Variants in RNF17 observed in about 807,000 individuals in gnomAD.
The protein encoded by RNF17 is spermatogenesis associated 23.
Under a neutral mutation model 200.5 loss-of-function variants are expected in RNF17, and 31 were observed. That is an observed-to-expected ratio of 0.15 (90% CI 0.12 to 0.21). RNF17 has a LOEUF of 0.21. RNF17 is among the 10% of genes least tolerant of loss of function. RNF17 has a pLI of 1.00. For synonymous variants in RNF17, 606 were observed against 637.8 expected, an observed-to-expected ratio of 0.95 and a Z score of 0.75; for missense variants, 1,628 against 1,905.1, an observed-to-expected ratio of 0.85 and a Z score of 2.71.
At chr13:24,759,048 C>T in the RNF17 span, among the ~76,000 whole-genome samples, 14,336 of 143,358 alleles carry the variant, frequency 0.1, 1,002 homozygotes, top group Non-Finnish European at 0.15. Flanking sequence ...CCACTGCACT[C>T]CAGCCTGGCG....
At chr13:24,852,063 G>A (rs1358535981) in intron 24 of RNF17, among the ~76,000 whole-genome samples, 1 of 151,704 alleles carries the variant, frequency 6.6e-6, no homozygotes, top group East Asian at 1.9e-4. Context: ...TATGTTTGGA[G>A]TTTAAGCACC....
intron 26 of RNF17, among the ~76,000 whole-genome samples, chr13:24,859,387 G>A (rs1892852452): frequency 6.6e-6 from 1 of 152,130 alleles, no homozygotes; most frequent in African/African-American, 2.4e-5. Flanking sequence ...TTGATCATTG[G>A]TTAATGGATA....
In RNF17 at chr13:24,789,764, C is replaced by T. The variant is rs201724014; in HGVS notation, c.927C>T (p.Asp309=). The change falls in exon 9 of 36, where the codon GAC becomes GAT. Residue 309 remains aspartate, a synonymous_variant. Coordinates refer to ENST00000255324, the MANE Select transcript of RNF17 (RefSeq NM_031277.3). ...ATATGGGAAAGATTGAATTTAGGGACTCAACAAAGTAAGTATTTATAAGCA... is the reference window on the plus strand; with the variant it reads ...ATATGGGAAAGATTGAATTTAGGGATTCAACAAAGTAAGTATTTATAAGCA... ...FNNMGKIEFR[D]STKCYPQENE... 1.6e-4 allele frequency: 252 copies of T among 1,566,242 alleles called. No individual in the cohort carries two copies. Among genetic ancestry groups the T allele is most frequent in the South Asian group, 1.0e-3 (92 of 89,858 alleles).
At chr13:24,855,272 T>C (rs1332073388) in intron 25 of RNF17, among the ~76,000 whole-genome samples, 1 of 152,186 alleles carries the variant, frequency 6.6e-6, no homozygotes, top group Non-Finnish European at 1.5e-5. Flanking sequence ...CTATGAACAT[T>C]CTTGTACCTG....
In RNF17 at chr13:24,844,660, A is replaced by G. The variant is rs1891048459; in HGVS notation, c.2840A>G (p.Glu947Gly). ...LTENLLNSLE[E>G]KMIAAYENSK... ...ATTTTTTATCTCTATAGTTTAGAAGAAAAGATGATAGCTGCTTATGAAAAC... is the reference window on the plus strand; with the variant it reads ...ATTTTTTATCTCTATAGTTTAGAAGGAAAGATGATAGCTGCTTATGAAAAC... Residue 947 changes from glutamate to glycine, a missense_variant, in exon 21 of 36, where the codon GAA (glutamate) becomes GGA (glycine). Physicochemically the swap from Glu to Gly is moderately conservative, Grantham distance 98. Coordinates refer to ENST00000255324, the MANE Select transcript of RNF17 (RefSeq NM_031277.3). The G allele has an allele frequency of 3.1e-6, 5 of 1,592,456 alleles. No individual in the cohort carries two copies. Among genetic ancestry groups the G allele is most frequent in the Non-Finnish European group, 8.6e-7 (1 of 1,163,054 alleles).
intron 31 of RNF17, among the ~76,000 whole-genome samples, chr13:24,869,335 ATT>A (rs1367557885): frequency 6.6e-6 from 1 of 152,208 alleles, no homozygotes; most frequent in Non-Finnish European, 1.5e-5. Flanking sequence ...TTGCTTTCTA[ATT>A]TCATCAGAGA....
At chr13:24,829,896 T>C (rs955859146) in intron 16 of RNF17, among the ~76,000 whole-genome samples, 2 of 152,232 alleles carry the variant, frequency 1.3e-5, no homozygotes, top group Admixed American at 6.5e-5. Flanking sequence ...TCACAGATAC[T>C]GTTATATGAA....
intron 23 of RNF17, among the ~76,000 whole-genome samples, chr13:24,850,690 A>G (rs566210398): frequency 1.3e-5 from 2 of 152,250 alleles, no homozygotes; most frequent in South Asian, 4.1e-4. Context: ...TTTTATTACT[A>G]TTTATGTGCT....
chr13:24,847,470 C>T (rs1044029306), intron 22 of RNF17, among the ~76,000 whole-genome samples: 2 of 151,802 alleles, frequency 1.3e-5, no homozygotes, highest in South Asian at 2.1e-4. Flanking sequence ...CTCAGCCTCC[C>T]GAGTAGCTGG....
chr13:24,811,288 A>G (rs1249390834), intron 15 of RNF17, among the ~76,000 whole-genome samples: 6 of 151,796 alleles, frequency 4.0e-5, no homozygotes, highest in East Asian at 1.9e-4. Context: ...CCAATCAGAC[A>G]TAGATTTGGT....
intron 18 of RNF17, among the ~76,000 whole-genome samples, chr13:24,835,521 C>T (rs1175266113): frequency 2.0e-5 from 3 of 152,158 alleles, no homozygotes; most frequent in Admixed American, 2.0e-4. Context: ...ACCCCCAGTA[C>T]CAGCGCAGAA....
chr13:24,761,680 T>C (rs1878753942), upstream of RNF17, among the ~76,000 whole-genome samples: 1 of 152,198 alleles, frequency 6.6e-6, no homozygotes, highest in African/African-American at 2.4e-5. Flanking sequence ...AGGAAGCCAT[T>C]AAAGGGTTCC....
intron 15 of RNF17, among the ~76,000 whole-genome samples, chr13:24,811,595 C>T (rs548867489): frequency 1.2e-3 from 177 of 152,156 alleles, no homozygotes; most frequent in African/African-American, 4.0e-3. Flanking sequence ...GAATGTCCTC[C>T]CGTAGCTCGG....
chr13:24,883,378 T>C, downstream of RNF17: 1 of 1,577,904 alleles, frequency 6.3e-7, no homozygotes, highest in Non-Finnish European at 8.6e-7. Flanking sequence ...CACTGTAAAA[T>C]TTAAAAAAAA....
chr13:24,788,110 G>C lies in RNF17; in HGVS notation c.734G>C (p.Arg245Thr). Residue 245 changes from arginine (R) to threonine (T), a missense_variant, in exon 7 of 36, where the codon AGA (arginine) becomes ACA (threonine). Physicochemically the swap from Arg to Thr is moderately conservative, Grantham distance 71. Coordinates refer to ENST00000255324, the MANE Select transcript of RNF17 (RefSeq NM_031277.3). ...NNLNAAMNIA[R>T]ALQLSPSLRT... ...TTGAATGCAGCTATGAACATAGCAA[G>C]AGCATTACAATTATCGCCTTCTCTA... is the stretch of plus-strand genomic sequence containing the variant. 6.3e-7 allele frequency: 1 copy of C among 1,596,332 alleles called. No homozygotes were observed.
At chr13:24,771,185 C>T (rs995283589) in intron 2 of RNF17, among the ~76,000 whole-genome samples, 8 of 152,072 alleles carry the variant, frequency 5.3e-5, no homozygotes, top group African/African-American at 1.9e-4. Context: ...GGGTCTTGCT[C>T]TGTTCCCCCA....
chr13:24,818,113 C>T (rs1357335097), intron 15 of RNF17, among the ~76,000 whole-genome samples: 3 of 151,992 alleles, frequency 2.0e-5, no homozygotes, highest in South Asian at 4.2e-4. Flanking sequence ...GAAGCATTTT[C>T]TAATTTCTCT....
upstream of RNF17, among the ~76,000 whole-genome samples, chr13:24,762,369 T>TAAAAAAAAAAAAAAAA (rs370600110): frequency 1.8e-5 from 2 of 113,898 alleles, no homozygotes; most frequent in Non-Finnish European, 1.7e-5. Context: ...ACTCCATTTC[T>TAAAAAAAAAAAAAAAA]AAAAAAAAAA....
intron 7 of RNF17, 59 bp from the exon 8 acceptor site, chr13:24,789,289 C>T: frequency 9.1e-7 from 1 of 1,101,298 alleles, no homozygotes; most frequent in Non-Finnish European, 1.4e-6. Context: ...TAAAATCTTA[C>T]TGTTCAGCAA....
Sources: allele counts gnomAD v4.1 joint callset (sites outside exome capture counted in the v4.1 genomes callset), GRCh38; gene constraint gnomAD v4.1.1; transcripts MANE v1.5; gene names NCBI Gene and HGNC (gene_info 2026-07-23, HGNC 2026-07-21).